Variants in PRSS8 observed in about 807,000 individuals in gnomAD.
The protein encoded by PRSS8 is prostasin.
A neutral mutation model predicts 26.7 loss-of-function variants in PRSS8; 11 were observed. That is an observed-to-expected ratio of 0.41 (90% CI 0.26 to 0.68). The LOEUF (loss-of-function observed/expected upper bound fraction) is 0.68. PRSS8 is among the 30% of genes least tolerant of loss of function. The pLI, the probability that PRSS8 is intolerant of heterozygous loss-of-function variation, is 0.30. For missense variants in PRSS8, 362 were observed against 443.5 expected (o/e 0.82, Z 1.65); for synonymous variants, 183 against 187.0 (o/e 0.98, Z 0.17).
rs112582318 is a variant in PRSS8 at position 31,135,557 on chromosome 16, GT to G, written c.-60del. 39 of 1,400,610 alleles carry G rather than the reference GT, an allele frequency of 2.8e-5. 1 individual carries two copies. Among genetic ancestry groups the G allele is most frequent in the African/African-American group, 2.6e-4 (18 of 68,690 alleles). 86.8% of individuals were successfully genotyped at this position (1,400,610 alleles called of 1,614,324 possible). A position where few individuals can be genotyped will look rare whatever the true frequency, so the allele number is the denominator to read the frequency against. ...GGCACGCAAGGTAGGAAGCCTTGGG[GT>G]GGTGTCGAAGGCAGGACCCAGATGT... On this transcript the variant is annotated 5_prime_UTR_variant, in exon 1 of 6. Transcript: ENST00000317508.
chr16:31,135,245 C>G, intron 1 of PRSS8, 74 bp from the exon 2 acceptor site: 1 of 1,606,116 alleles, frequency 6.2e-7, no homozygotes, highest in Non-Finnish European at 8.5e-7. Flanking sequence ...CCCACCACTG[C>G]TCCAGAGGGC....
rs1038059648 is a variant in PRSS8, at chr16:31,132,769, G to C, written c.451C>G (p.Arg151Gly). The C allele has an allele frequency of 6.2e-7, 1 of 1,613,878 alleles. No individual in the cohort carries two copies. Among genetic ancestry groups the C allele is most frequent in the Admixed American group, 1.7e-5 (1 of 60,004 alleles). Residue 151 changes from arginine to glycine, a missense_variant, in exon 4 of 6, where the codon CGG becomes GGG. Transcript: ENST00000317508. This position sits in a 1 kb window ranked among gnomAD's most constrained non-coding sequence, Gnocchi z 5.2. ...TTGGCTGCAGGGAGGCAGATGGGCC[G>C]GATGTAGCGGGAGAAGGTGATGGGT... ...SRPITFSRYIRPICLPAANAS... is the reference protein window; with the variant it reads ...SRPITFSRYIGPICLPAANAS...
intron 1 of PRSS8, 49 bp downstream of exon 1, chr16:31,135,365 G>A (rs200232164): frequency 7.6e-6 from 12 of 1,573,226 alleles, no homozygotes; most frequent in African/African-American, 5.4e-5. Context: ...TGATCACGCC[G>A]GCTCCCTCCA....
At position 31,131,849 on chromosome 16, in the gene PRSS8, C is replaced by G. The variant is rs2057581801; in HGVS notation, c.*160G>C. 2.6e-6 allele frequency: 2 copies of G among 764,998 alleles called. No individual in the cohort carries two copies. Among genetic ancestry groups the G allele is most frequent in the Admixed American group, 2.9e-5 (1 of 33,936 alleles). 47.4% of individuals were successfully genotyped at this position (764,998 alleles called of 1,614,324 possible). A position where few individuals can be genotyped will look rare whatever the true frequency, so the allele number is the denominator to read the frequency against. ...CTCAGTGATGGTCCCAAAAAGCACA[C>G]CCAGAAGAATGGGCTCAAAGATCAA... On this transcript the variant is annotated 3_prime_UTR_variant, in exon 6 of 6. Coordinates refer to ENST00000317508, the MANE Select transcript of PRSS8 (RefSeq NM_002773.5).
At chr16:31,135,104 G>T in intron 2 of PRSS8, 50 bp downstream of exon 2, 1 of 1,602,020 alleles carries the variant, frequency 6.2e-7, no homozygotes, top group South Asian at 1.1e-5. Context: ...AGGGGAATCC[G>T]ATCCAAGTCA....
rs2057592545 is a variant in PRSS8, at chr16:31,133,700, A to G, written c.104-312T>C. Among the ~76,000 whole-genome samples the G allele has an allele frequency of 6.6e-6, 1 of 152,132 alleles. No homozygotes were observed. The highest frequency in any genetic ancestry group is 6.5e-5 in the Admixed American group (1 of 15,280). ...TGGCTCCACGCGGTCCTTAAGATAC[A>G]TTCCAGACAGACCATGGCACCGCCA... On this transcript the variant is annotated intron_variant, in intron 2 of 5. Transcript: ENST00000317508. This position sits in a 1 kb window ranked among gnomAD's most constrained non-coding sequence, Gnocchi z 4.7.
At position 31,132,221 on chromosome 16, in the gene PRSS8, C is replaced by G; in HGVS notation, c.820G>C (p.Ala274Pro). 1 of 1,613,824 alleles carries G rather than the reference C, an allele frequency of 6.2e-7. No homozygotes were observed. Among genetic ancestry groups the G allele is most frequent in the Non-Finnish European group, 8.5e-7 (1 of 1,179,816 alleles). ...ARNRPGVYTL[A>P]SSYASWIQSK... ...TGGATCCAGGAGGCATAGCTGGAGG[C>G]CAGAGTGTACACACCAGGCCTGTTG... Residue 274 changes from alanine (A) to proline (P), a missense_variant, in exon 6 of 6, where the codon GCC becomes CCC. Transcript: ENST00000317508. The surrounding 1 kb of genome is among the most constrained non-coding windows in gnomAD (Gnocchi z 5.2).
In PRSS8 at chr16:31,135,434, C is replaced by T. The variant is rs754810093; in HGVS notation, c.65G>A (p.Gly22Glu). ...LGAVAILLYL[G>E]LLRSGTGAEG... ...CTTACCTGTCCCCGACCGGAGTAAT[C>T]CAAGATAGAGCAGAATGGCCACAGC... is the stretch of plus-strand genomic sequence containing the variant. Residue 22 changes from glycine (G) to glutamate (E), a missense_variant, in exon 1 of 6, where the codon GGA becomes GAA. Physicochemically the swap from Gly to Glu is moderately conservative, Grantham distance 98. Coordinates refer to ENST00000317508, the MANE Select transcript of PRSS8 (RefSeq NM_002773.5). 20 of 1,594,576 alleles carry T rather than the reference C, an allele frequency of 1.3e-5. No individual in the cohort carries two copies. The highest frequency in any genetic ancestry group is 1.1e-4 in the Admixed American group (6 of 56,754).
In PRSS8 at chr16:31,131,611, C is replaced by A; in HGVS notation, c.*398G>T. 2.2e-6 allele frequency: 1 copy of A among 445,294 alleles called. No homozygotes were observed. Among genetic ancestry groups the A allele is most frequent in the Non-Finnish European group, 4.0e-6 (1 of 248,346 alleles). The allele number at this position is 445,294 out of a possible 1,614,324, so 27.6% of individuals were successfully genotyped here. ...TCCTCGAAGCTGCACAAAGGTGGCC[C>A]CAGCCCAGAACACAGGGAGAGGGCA... On this transcript the variant is annotated 3_prime_UTR_variant, in exon 6 of 6. Transcript: ENST00000317508.
At position 31,132,725 on chromosome 16, in the gene PRSS8, G is replaced by T. The variant is rs777287205; in HGVS notation, c.495C>A (p.Gly165=). ...LPAANASFPN[G]LHCTVTGWGH... is the part of the protein sequence containing the mutation. ...CCCAGCCAGTGACAGTGCAGTGGAG[G>T]CCGTTGGGGAAGGAGGCGTTGGCTG... is the stretch of plus-strand genomic sequence containing the variant. The change falls in exon 4 of 6, where the codon GGC becomes GGA. Residue 165 remains glycine (G), a synonymous_variant. Transcript: ENST00000317508. The surrounding 1 kb of genome is among the most constrained non-coding windows in gnomAD (Gnocchi z 5.2). 1 of 1,614,020 alleles carries T rather than the reference G, an allele frequency of 6.2e-7. No homozygotes were observed. The highest frequency in any genetic ancestry group is 8.5e-7 in the Non-Finnish European group (1 of 1,179,894).
In PRSS8 at chr16:31,132,018, G is replaced by C. The variant is rs1332317704; in HGVS notation, c.1023C>G (p.Ser341Arg). The C allele has an allele frequency of 6.4e-7, 1 of 1,571,514 alleles. No individual in the cohort carries two copies. The highest frequency in any genetic ancestry group is 8.6e-7 in the Non-Finnish European group (1 of 1,158,094). Residue 341 changes from serine (S) to arginine (R), a missense_variant, in exon 6 of 6, where the codon AGC (serine) becomes AGG (arginine). Physicochemically the swap from Ser to Arg is moderately radical, Grantham distance 110 (BLOSUM62 -1). Transcript: ENST00000317508. This position sits in a 1 kb window ranked among gnomAD's most constrained non-coding sequence, Gnocchi z 5.2. ...LALGLLSPWL[S>R]EH The stretch of plus-strand genomic sequence containing the variant: ...TGGAAGTAGGGCCAGCTCAGTGCTC[G>C]CTGAGCCATGGGGAGAGGAGGCCCA...
intron 2 of PRSS8, chr16:31,134,145 C>T (rs1301307927): frequency 6.6e-6 from 1 of 152,660 alleles, no homozygotes. Context: ...ATGTGAATGT[C>T]TAGTTTCCAG....
At position 31,132,960 on chromosome 16, in the gene PRSS8, G is replaced by A. The variant is rs770297324; in HGVS notation, c.267-7C>T. ...GGCTTCCTTGTGGTGCTCGCTGCAG[G>A]CAGGGGGCAAAGGCTGAGACCCAGG... On this transcript the variant is annotated splice_polypyrimidine_tract_variant and splice_region_variant and intron_variant, in intron 3 of 5. Coordinates refer to ENST00000317508, the MANE Select transcript of PRSS8 (RefSeq NM_002773.5). This position sits in a 1 kb window ranked among gnomAD's most constrained non-coding sequence, Gnocchi z 5.2. 1 of 1,601,764 alleles carries A rather than the reference G, an allele frequency of 6.2e-7. No individual in the cohort carries two copies.
In PRSS8 at chr16:31,132,825, T is replaced by C; in HGVS notation, c.395A>G (p.Gln132Arg). The change falls in exon 4 of 6, where the codon CAG becomes CGG. Residue 132 changes from glutamine to arginine, a missense_variant. Gln to Arg is a conservative substitution (Grantham distance 43). Transcript: ENST00000317508. This position sits in a 1 kb window ranked among gnomAD's most constrained non-coding sequence, Gnocchi z 5.2. ...GAGTTGGAGGAGTGCAATGTCGCCC[T>C]GGGAGCCCTCCTGGAGGTAGCTGGG... ...PHPSYLQEGSQGDIALLQLSR... is the reference protein window; with the variant it reads ...PHPSYLQEGSRGDIALLQLSR... 1 of 1,613,902 alleles carries C rather than the reference T, an allele frequency of 6.2e-7. No homozygotes were observed. The highest frequency in any genetic ancestry group is 8.5e-7 in the Non-Finnish European group (1 of 1,179,856).
rs904328175 is a variant in PRSS8 at position 31,133,634 on chromosome 16, C to A, written c.104-246G>T. On this transcript the variant is annotated intron_variant, in intron 2 of 5. Coordinates refer to ENST00000317508, the MANE Select transcript of PRSS8 (RefSeq NM_002773.5). This position sits in a 1 kb window ranked among gnomAD's most constrained non-coding sequence, Gnocchi z 4.7. ...TTACAAGTCTGAAGATTTTCATAAA[C>A]CCCCAATCTGACCAGGCCACAGCCC... is the stretch of plus-strand genomic sequence containing the variant. 6.6e-6 allele frequency among the ~76,000 whole-genome samples: 1 copy of A among 152,204 alleles called. No individual in the cohort carries two copies. Among genetic ancestry groups the A allele is most frequent in the Non-Finnish European group, 1.5e-5 (1 of 68,038 alleles).
At position 31,131,595 on chromosome 16, in the gene PRSS8, C is replaced by A; in HGVS notation, c.*414G>T. 2.1e-6 allele frequency: 1 copy of A among 467,830 alleles called. No individual in the cohort carries two copies. The highest frequency in any genetic ancestry group is 3.8e-6 in the Non-Finnish European group (1 of 261,856). The allele number at this position is 467,830 out of a possible 1,614,324, so 29.0% of individuals were successfully genotyped here. A position where few individuals can be genotyped will look rare whatever the true frequency, so the allele number is the denominator to read the frequency against. On this transcript the variant is annotated 3_prime_UTR_variant, in exon 6 of 6. Coordinates refer to ENST00000317508, the MANE Select transcript of PRSS8 (RefSeq NM_002773.5). ...ATTGGGGCCTTTCCTGTCCTCGAAG[C>A]TGCACAAAGGTGGCCCCAGCCCAGA...
Position 31,132,782 on chromosome 16 carries a change from G to T in PRSS8, c.438C>A (p.Phe146Leu). ...GGCAGATGGGCCGGATGTAGCGGGA[G>T]AAGGTGATGGGTCTGCTGAGTTGGA... The part of the protein sequence containing the change: ...ALLQLSRPIT[F>L]SRYIRPICLP... The change falls in exon 4 of 6, where the codon TTC becomes TTA. Residue 146 changes from phenylalanine (F) to leucine (L), a missense_variant. Transcript: ENST00000317508. The surrounding 1 kb of genome is among the most constrained non-coding windows in gnomAD (Gnocchi z 5.2). 3 of 1,613,996 alleles carry T rather than the reference G, an allele frequency of 1.9e-6. No individual in the cohort carries two copies. The African/African-American group carries it at 4.0e-5, about 22-fold the overall frequency.
At position 31,132,117 on chromosome 16, in the gene PRSS8, G is replaced by A. The variant is rs1161704354; in HGVS notation, c.924C>T (p.Ser308=). 6.2e-7 allele frequency: 1 copy of A among 1,612,926 alleles called. No individual in the cohort carries two copies. Among genetic ancestry groups the A allele is most frequent in the African/African-American group, 1.3e-5 (1 of 74,946 alleles). The part of the protein sequence containing the change: ...ESQPDSNLCG[S]HLAFSSAPAQ... ...CTGGGGCAGAGCTGAAGGCCAGGTG[G>A]CTGCCACAGAGGTTGCTGTCGGGCT... The change falls in exon 6 of 6, where the codon AGC becomes AGT. Residue 308 remains serine, a synonymous_variant. Coordinates refer to ENST00000317508, the MANE Select transcript of PRSS8 (RefSeq NM_002773.5). This position sits in a 1 kb window ranked among gnomAD's most constrained non-coding sequence, Gnocchi z 5.2.
chr16:31,132,259 G>T lies in PRSS8; in HGVS notation c.782C>A (p.Ala261Asp), dbSNP rs2057584261. The T allele has an allele frequency of 6.2e-7, 1 of 1,613,626 alleles. No individual in the cohort carries two copies. Among genetic ancestry groups the T allele is most frequent in the Non-Finnish European group, 8.5e-7 (1 of 1,179,698 alleles). ...ACCAGGCCTGTTGCGGGCCCCACAG[G>T]CATCTCCCCAGCTCACAATGCCCGT... ...YLTGIVSWGD[A>D]CGARNRPGVY... The change falls in exon 6 of 6, where the codon GCC (alanine) becomes GAC (aspartate). Residue 261 changes from alanine (A) to aspartate (D), a missense_variant. By Grantham distance (126) the Ala-to-Asp change is moderately radical. Transcript: ENST00000317508. The surrounding 1 kb of genome is among the most constrained non-coding windows in gnomAD (Gnocchi z 5.2).
Sources: allele counts gnomAD v4.1 joint callset (sites outside exome capture counted in the v4.1 genomes callset), GRCh38; gene constraint gnomAD v4.1.1; non-coding constraint Gnocchi (gnomAD v3.1); transcripts MANE v1.5; gene names NCBI Gene and HGNC (gene_info 2026-07-23, HGNC 2026-07-21).